ZFHX2: variants seen among roughly 807,000 people sequenced by gnomAD.
ZFHX2 encodes the protein zinc finger homeobox 2, also known as zinc finger homeobox protein 2.
In ZFHX2, 75 loss-of-function variants were observed where a neutral mutation model predicts 164.8. That is an observed-to-expected ratio of 0.46 (90% confidence interval 0.38 to 0.55). ZFHX2 has a LOEUF of 0.55. Ranked by LOEUF, ZFHX2 falls within the 20% of genes least tolerant of loss-of-function variation. The pLI is 0.00. For synonymous variants in ZFHX2, 1,217 were observed against 1,351.4 expected, an observed-to-expected ratio of 0.90 and a Z score of 2.18; for missense variants, 2,933 against 3,308.0, an observed-to-expected ratio of 0.89 and a Z score of 2.78.
Position 23,526,063 on chromosome 14 carries a change from T to C in ZFHX2, c.3879A>G (p.Glu1293=), listed in dbSNP as rs1407131399. The change falls in exon 9 of 10, where the codon GAA becomes GAG. Residue 1293 remains glutamate (E), a synonymous_variant. Coordinates refer to ENST00000419474, the MANE Select transcript of ZFHX2 (RefSeq NM_033400.3). ...CCTCTGTCTCGCCTTCCTTGGGCTC[T>C]TCTTGGCTGCGTTCTGGCCCTTCAA... is the stretch of plus-strand genomic sequence containing the variant. The part of the protein sequence containing the change: ...SKIEGPERSQ[E]EPKEGETEGE... 6.5e-7 allele frequency: 1 copy of C among 1,536,544 alleles called. No individual in the cohort carries two copies. Among genetic ancestry groups the C allele is most frequent in the Admixed American group, 2.0e-5 (1 of 50,998 alleles).
chr14:23,529,676 C>T (rs776260955), intron 6 of ZFHX2, 34 bp downstream of exon 6: 6 of 1,528,034 alleles, frequency 3.9e-6, no homozygotes, highest in African/African-American at 2.7e-5. Flanking sequence ...GCCAGGCCCC[C>T]ACTTCAGCTC....
In ZFHX2 at chr14:23,533,175, G is replaced by A; in HGVS notation, c.2042-91C>T. 1 of 1,441,332 alleles carries A rather than the reference G, an allele frequency of 6.9e-7. No individual in the cohort carries two copies. The highest frequency in any genetic ancestry group is 1.4e-5 in the African/African-American group (1 of 69,966). 89.3% of individuals were successfully genotyped at this position (1,441,332 alleles called of 1,614,324 possible). ...GAGGTGGGTTAATGAGTAGGATAGT[G>A]CTCAGAGGGACTTATGGTTACCTAA... On this transcript the variant is annotated intron_variant, in intron 2 of 9. Transcript: ENST00000419474. The surrounding 1 kb of genome is among the most constrained non-coding windows in gnomAD (Gnocchi z 4.8).
At position 23,532,633 on chromosome 14, in the gene ZFHX2, G is replaced by T; in HGVS notation, c.2493C>A (p.Asn831Lys). The T allele has an allele frequency of 6.8e-7, 1 of 1,468,278 alleles. No individual in the cohort carries two copies. Among genetic ancestry groups the T allele is most frequent in the South Asian group, 1.4e-5 (1 of 72,648 alleles). The allele number at this position is 1,468,278 out of a possible 1,614,324, so 91.0% of individuals were successfully genotyped here. ...LRCNICDFES[N>K]SKEKMQLHAR... is the part of the protein sequence containing the mutation. ...CATGCAGCTGCATCTTCTCCTTGCTGTTGGACTCAAAGTCACAGATGTTGC... is the reference window on the plus strand; with the variant it reads ...CATGCAGCTGCATCTTCTCCTTGCTTTTGGACTCAAAGTCACAGATGTTGC... Residue 831 changes from asparagine to lysine, a missense_variant, in exon 3 of 10, where the codon AAC becomes AAA. Physicochemically the swap from Asn to Lys is moderately conservative, Grantham distance 94. Coordinates refer to ENST00000419474, the MANE Select transcript of ZFHX2 (RefSeq NM_033400.3).
intron 1 of ZFHX2, among the ~76,000 whole-genome samples, chr14:23,545,113 C>A (rs1259193126): frequency 1.3e-5 from 2 of 152,086 alleles, no homozygotes; most frequent in East Asian, 3.9e-4. Flanking sequence ...CCGCCCTTCA[C>A]GGCTCCAGTT....
chr14:23,523,567 T>C lies in ZFHX2; in HGVS notation c.6375A>G (p.Leu2125=), dbSNP rs562107315. Residue 2125 remains leucine, a synonymous_variant, in exon 9 of 10, where the codon CTA becomes CTG. Transcript: ENST00000419474. This position sits in a 1 kb window ranked among gnomAD's most constrained non-coding sequence, Gnocchi z 4.1. ...NARAKEKKAK[L]QGTAAGSTGG... ...CAGTGCTCCCAGCGGCTGTCCCCTG[T>C]AGTTTGGCCTTCTTTTCCTTGGCAC... is the stretch of plus-strand genomic sequence containing the variant. 5 of 1,540,410 alleles carry C rather than the reference T, an allele frequency of 3.2e-6. No homozygotes were observed. In the South Asian group the frequency reaches 5.9e-5, roughly 18 times the overall value.
In ZFHX2 at chr14:23,524,187, T is replaced by C. The variant is rs1258799308; in HGVS notation, c.5755A>G (p.Ser1919Gly). The C allele has an allele frequency of 1.3e-6, 2 of 1,536,182 alleles. No homozygotes were observed. Among genetic ancestry groups the C allele is most frequent in the Non-Finnish European group, 1.7e-6 (2 of 1,146,908 alleles). Residue 1919 changes from serine (S) to glycine (G), a missense_variant, in exon 9 of 10, where the codon AGC (serine) becomes GGC (glycine). Ser to Gly is a moderately conservative substitution (Grantham distance 56). Transcript: ENST00000419474. The surrounding 1 kb of genome is among the most constrained non-coding windows in gnomAD (Gnocchi z 5.6). The stretch of plus-strand genomic sequence containing the variant: ...GGACTAGGCACCCCCCCAGGGGTGC[T>C]TCGAAACTGGCCTTTCCTCTCCCGG... ...RARERKGQFRSTPGGVPSPAV... is the reference protein window; with the variant it reads ...RARERKGQFRGTPGGVPSPAV...
At position 23,533,855 on chromosome 14, in the gene ZFHX2, C is replaced by T. The variant is rs1220815012; in HGVS notation, c.1471G>A (p.Ala491Thr). Residue 491 changes from alanine to threonine, a missense_variant, in exon 2 of 10, where the codon GCC becomes ACC. Transcript: ENST00000419474. The surrounding 1 kb of genome is among the most constrained non-coding windows in gnomAD (Gnocchi z 4.8). ...SHCSYCSAGG[A>T]HPRLARGESY... ...TCTCCACGAGCAAGGCGGGGGTGGG[C>T]GCCCCCAGCACTGCAGTAGCTGCAG... 11 of 1,538,600 alleles carry T rather than the reference C, an allele frequency of 7.1e-6. No individual in the cohort carries two copies. The highest frequency in any genetic ancestry group is 1.7e-4 in the Middle Eastern group (1 of 6,012).
At position 23,524,707 on chromosome 14, in the gene ZFHX2, G is replaced by A. The variant is rs1878481042; in HGVS notation, c.5235C>T (p.Ser1745=). The A allele has an allele frequency of 6.5e-7, 1 of 1,536,294 alleles. No individual in the cohort carries two copies. The highest frequency in any genetic ancestry group is 2.0e-5 in the Admixed American group (1 of 50,988). ...LPEPPDGEEL[S]QAEATKAGGK... is the part of the protein sequence containing the mutation. ...CTCCTGCCTTTGTTGCCTCTGCTTG[G>A]CTCAGCTCCTCCCCATCTGGAGGCT... is the stretch of plus-strand genomic sequence containing the variant. Residue 1745 remains serine (S), a synonymous_variant, in exon 9 of 10, where the codon AGC becomes AGT. Transcript: ENST00000419474. This position sits in a 1 kb window ranked among gnomAD's most constrained non-coding sequence, Gnocchi z 5.6.
chr14:23,525,886 G>A lies in ZFHX2; in HGVS notation c.4056C>T (p.Pro1352=), dbSNP rs999856277. The stretch of plus-strand genomic sequence containing the variant: ...GCTGCTGGAGCTTAAGCAGTGATTC[G>A]GGCACCAGAGGGAAGGGGGGCAGGA... The part of the protein sequence containing the change: ...PPVLPPFPLV[P]ESLLKLQQQQ... Residue 1352 remains proline, a synonymous_variant, in exon 9 of 10, where the codon CCC becomes CCT. Coordinates refer to ENST00000419474, the MANE Select transcript of ZFHX2 (RefSeq NM_033400.3). This position sits in a 1 kb window ranked among gnomAD's most constrained non-coding sequence, Gnocchi z 5.9. 7 of 1,457,928 alleles carry A rather than the reference G, an allele frequency of 4.8e-6. No individual in the cohort carries two copies. The highest frequency in any genetic ancestry group is 2.5e-5 in the Admixed American group (1 of 39,216). The allele number at this position is 1,457,928 out of a possible 1,614,324, so 90.3% of individuals were successfully genotyped here.
In ZFHX2 at chr14:23,523,678, G is replaced by A; in HGVS notation, c.6264C>T (p.Arg2088=). 1.9e-6 allele frequency: 3 copies of A among 1,539,412 alleles called. No individual in the cohort carries two copies. Among genetic ancestry groups the A allele is most frequent in the Non-Finnish European group, 2.6e-6 (3 of 1,148,320 alleles). ...KIMKACYEAY[R]TPTMQECEVL... ...CCTCACACTCCTGCATGGTGGGGGT[G>A]CGGTAAGCTTCATAGCAGGCTTTCA... Residue 2088 remains arginine, a synonymous_variant, in exon 9 of 10, where the codon CGC becomes CGT. Coordinates refer to ENST00000419474, the MANE Select transcript of ZFHX2 (RefSeq NM_033400.3). The surrounding 1 kb of genome is among the most constrained non-coding windows in gnomAD (Gnocchi z 4.1).
chr14:23,532,497 A>G lies in ZFHX2; in HGVS notation c.2559+70T>C, dbSNP rs936238514. On this transcript the variant is annotated intron_variant, in intron 3 of 9. Transcript: ENST00000419474. ...CCCAGGGTTTTCCTATCACTTTCTT[A>G]TTCTGCATCTCCTCCCTCTGTCCCC... 20 of 1,398,990 alleles carry G rather than the reference A, an allele frequency of 1.4e-5. No individual in the cohort carries two copies. In the East Asian group the frequency reaches 1.8e-4, roughly 13 times the overall value. The allele number at this position is 1,398,990 out of a possible 1,614,324, so 86.7% of individuals were successfully genotyped here.
At position 23,523,061 on chromosome 14, in the gene ZFHX2, C is replaced by G; in HGVS notation, c.6740-120G>C. On this transcript the variant is annotated intron_variant, in intron 9 of 9. Transcript: ENST00000419474. This position sits in a 1 kb window ranked among gnomAD's most constrained non-coding sequence, Gnocchi z 4.1. ...AGCACCGGATTTCCATGCCCCTTCC[C>G]TCCCTTCTTTCCCCCAAGAGCCTGA... 1 of 1,405,042 alleles carries G rather than the reference C, an allele frequency of 7.1e-7. No individual in the cohort carries two copies. Among genetic ancestry groups the G allele is most frequent in the Non-Finnish European group, 9.2e-7 (1 of 1,084,674 alleles). The allele number at this position is 1,405,042 out of a possible 1,614,324, so 87.0% of individuals were successfully genotyped here. A position where few individuals can be genotyped will look rare whatever the true frequency, so the allele number is the denominator to read the frequency against.
upstream of ZFHX2, among the ~76,000 whole-genome samples, chr14:23,553,007 G>A (rs542032298): frequency 6.6e-6 from 1 of 152,168 alleles, no homozygotes; most frequent in Non-Finnish European, 1.5e-5. Flanking sequence ...CAAGCATGAG[G>A]TAGATGCTAT....
chr14:23,525,427 G>T lies in ZFHX2; in HGVS notation c.4515C>A (p.Arg1505=). 1 of 1,536,152 alleles carries T rather than the reference G, an allele frequency of 6.5e-7. No individual in the cohort carries two copies. The highest frequency in any genetic ancestry group is 8.7e-7 in the Non-Finnish European group (1 of 1,146,914). The change falls in exon 9 of 10, where the codon CGC becomes CGA. Residue 1505 remains arginine, a synonymous_variant. Transcript: ENST00000419474. The surrounding 1 kb of genome is among the most constrained non-coding windows in gnomAD (Gnocchi z 5.9). ...LKTHEEHVHR[R]FLPFEALSRY... is the part of the protein sequence containing the mutation. The stretch of plus-strand genomic sequence containing the variant: ...GGCTCAGGGCTTCAAAGGGCAGAAA[G>T]CGGCGGTGGACATGTTCCTCGTGTG...
In ZFHX2 at chr14:23,551,508, A is replaced by G. The variant is rs1328994055; in HGVS notation, c.-215T>C. 8.9e-5 allele frequency: 13 copies of G among 145,282 alleles called. No individual in the cohort carries two copies. The Admixed American group carries it at 9.1e-4, about 10-fold the overall frequency. The allele number at this position is 145,282 out of a possible 1,614,324, so 9.0% of individuals were successfully genotyped here. A position where few individuals can be genotyped will look rare whatever the true frequency, so the allele number is the denominator to read the frequency against. ...GCTCGCTCCGGGGCGTCAGGGACGG[A>G]GACGGAAAAAAATAAATAAATAAAT... On this transcript the variant is annotated 5_prime_UTR_variant, in exon 1 of 10. Coordinates refer to ENST00000419474, the MANE Select transcript of ZFHX2 (RefSeq NM_033400.3). The surrounding 1 kb of genome is among the most constrained non-coding windows in gnomAD (Gnocchi z 5.3).
chr14:23,528,958 G>A (rs1879157558), intron 6 of ZFHX2: 2 of 496,042 alleles, frequency 4.0e-6, no homozygotes, highest in African/African-American at 2.1e-5. Context: ...CTAGCCCCTG[G>A]AGCAGACATC....
chr14:23,525,308 A>G lies in ZFHX2; in HGVS notation c.4634T>C (p.Val1545Ala), dbSNP rs4982766. 0.24 allele frequency: 369,865 copies of G among 1,535,792 alleles called. 55,032 individuals carry two copies. Among genetic ancestry groups the G allele is most frequent in the African/African-American group, 0.71 (51,880 of 73,034 alleles). The change falls in exon 9 of 10, where the codon GTT (valine) becomes GCT (alanine). Residue 1545 changes from valine (V) to alanine (A), a missense_variant. Coordinates refer to ENST00000419474, the MANE Select transcript of ZFHX2 (RefSeq NM_033400.3). This position sits in a 1 kb window ranked among gnomAD's most constrained non-coding sequence, Gnocchi z 5.9. ...CAGGAAGGGTGGGCCCAGATGGGGA[A>G]CAGGTGAATCCAGAGACCCATCAGG... ...KPPDGSLDSPVPHLGPPFLVP... is the reference protein window; with the variant it reads ...KPPDGSLDSPAPHLGPPFLVP...
intron 1 of ZFHX2, among the ~76,000 whole-genome samples, chr14:23,540,224 A>G (rs1221518453): frequency 6.6e-6 from 1 of 152,196 alleles, no homozygotes; most frequent in Non-Finnish European, 1.5e-5. Context: ...TTCCTGGGCT[A>G]AAGCAATCTG....
rs780411586 is a variant in ZFHX2 at position 23,523,550 on chromosome 14, C to G, written c.6392G>C (p.Gly2131Ala). The change falls in exon 9 of 10, where the codon GGG (glycine) becomes GCG (alanine). Residue 2131 changes from glycine (G) to alanine (A), a missense_variant. Gly to Ala is a moderately conservative substitution (Grantham distance 60). Transcript: ENST00000419474. This position sits in a 1 kb window ranked among gnomAD's most constrained non-coding sequence, Gnocchi z 4.1. ...KKAKLQGTAA[G>A]STGGSSEGLL... The stretch of plus-strand genomic sequence containing the variant: ...GCCCTCACTGCTGCCCCCAGTGCTC[C>G]CAGCGGCTGTCCCCTGTAGTTTGGC... 1.3e-6 allele frequency: 2 copies of G among 1,537,128 alleles called. No individual in the cohort carries two copies. Among genetic ancestry groups the G allele is most frequent in the Admixed American group, 3.9e-5 (2 of 51,018 alleles).
Sources: allele counts gnomAD v4.1 joint callset (sites outside exome capture counted in the v4.1 genomes callset), GRCh38; gene constraint gnomAD v4.1.1; non-coding constraint Gnocchi (gnomAD v3.1); transcripts MANE v1.5; gene names NCBI Gene and HGNC (gene_info 2026-07-23, HGNC 2026-07-21).